GSTM3: variants seen among roughly 807,000 people sequenced by gnomAD.
GSTM3 encodes the protein GST class-mu 3.
Under a neutral mutation model 36.1 loss-of-function variants are expected in GSTM3, and 34 were observed. The ratio of observed to expected loss-of-function variants is 0.94; its 90% confidence interval spans 0.72 to 1.25. GSTM3 has a LOEUF of 1.25. Ranked by LOEUF, GSTM3 falls within the 50% of genes most tolerant of loss-of-function variation. The probability of loss-of-function intolerance (pLI) is 0.00; values close to 1 mark genes in which losing one functional copy is unlikely to be tolerated. For synonymous variants in GSTM3, 102 were observed against 99.5 expected, an observed-to-expected ratio of 1.03 and a Z score of -0.15; for missense variants, 266 against 281.6, an observed-to-expected ratio of 0.94 and a Z score of 0.40.
At chr1:109,739,979 C>T (rs1254539429) in intron 2 of GSTM3, 71 bp from the exon 3 acceptor site, 5 of 1,262,846 alleles carry the variant, frequency 4.0e-6, no homozygotes, top group African/African-American at 1.5e-5. Context: ...TAACGTTCCC[C>T]GGCCCGGGGC....
In GSTM3 at chr1:109,739,833, C is replaced by G. The variant is rs1434086124; in HGVS notation, c.124G>C (p.Ala42Pro). ...GCACGGGCACGCGGAGCGGCATTAC[C>G]TTCCCCGCACGTGTACCGTTTCTCC... The part of the protein sequence containing the change: ...YEEKRYTCGE[A>P]PDYDRSQWLD... The change falls in exon 3 of 9, where the codon GCT becomes CCT. Residue 42 changes from alanine (A) to proline (P), a missense_variant and splice_region_variant. Coordinates refer to ENST00000361066, the MANE Select transcript of GSTM3 (RefSeq NM_000849.5). 2 of 1,549,214 alleles carry G rather than the reference C, an allele frequency of 1.3e-6. No individual in the cohort carries two copies. Among genetic ancestry groups the G allele is most frequent in the Non-Finnish European group, 1.7e-6 (2 of 1,144,480 alleles).
chr1:109,738,058 T>G (rs41283504), intron 6 of GSTM3, 33 bp downstream of exon 6: 19,297 of 1,382,596 alleles, frequency 0.014, 154 homozygotes, highest in Non-Finnish European at 0.016. Flanking sequence ...TTTCTGATAC[T>G]CCATTCAGCA....
rs1445321620 is a variant in GSTM3 at position 109,738,081 on chromosome 1, G to T, written c.372+10C>A. 3.2e-6 allele frequency: 5 copies of T among 1,583,282 alleles called. No individual in the cohort carries two copies. The highest frequency in any genetic ancestry group is 1.7e-5 in the Admixed American group (1 of 59,994). On this transcript the variant is annotated intron_variant, in intron 6 of 8. Transcript: ENST00000361066. ...ACTCCATTCAGCAGATGTGTGCTAA[G>T]GAAACTCACGTGGTCAGAGCTGTAA...
Position 109,738,267 on chromosome 1 carries a change from C to T in GSTM3, c.271+18G>A. 1 of 1,607,960 alleles carries T rather than the reference C, an allele frequency of 6.2e-7. No homozygotes were observed. The highest frequency in any genetic ancestry group is 8.5e-7 in the Non-Finnish European group (1 of 1,174,318). ...AAACTACCAGCCTGGGGTCCCTCACCAGCCCTACCCCACTCACACATGTTG... is the reference window on the plus strand; with the variant it reads ...AAACTACCAGCCTGGGGTCCCTCACTAGCCCTACCCCACTCACACATGTTG... On this transcript the variant is annotated intron_variant, in intron 5 of 8. Coordinates refer to ENST00000361066, the MANE Select transcript of GSTM3 (RefSeq NM_000849.5).
Position 109,736,710 on chromosome 1 carries a change from T to TAC in GSTM3, c.*359_*360dup, listed in dbSNP as rs1488816777. On this transcript the variant is annotated 3_prime_UTR_variant, in exon 9 of 9. Coordinates refer to ENST00000361066, the MANE Select transcript of GSTM3 (RefSeq NM_000849.5). Reference sequence around the variant, plus strand: ...TCCGAACTCCGGTTAAGTCCATCAGTACCACAGTTTTACTTGTGTTATCCT... The same window carrying TAC: ...TCCGAACTCCGGTTAAGTCCATCAGTACACCACAGTTTTACTTGTGTTATCCT... 4.9e-6 allele frequency: 1 copy of TAC among 203,504 alleles called. No individual in the cohort carries two copies. The highest frequency in any genetic ancestry group is 2.3e-5 in the African/African-American group (1 of 42,558). 12.6% of individuals were successfully genotyped at this position (203,504 alleles called of 1,614,324 possible).
intron 3 of GSTM3, 59 bp downstream of exon 3, chr1:109,739,774 A>G (rs1321702041): frequency 1.8e-5 from 23 of 1,313,412 alleles, no homozygotes; most frequent in Non-Finnish European, 2.5e-5. Flanking sequence ...TCTGGGCGTA[A>G]GAAGACCAGG....
chr1:109,737,880 G>A, intron 6 of GSTM3, 129 bp from the exon 7 acceptor site: 1 of 711,610 alleles, frequency 1.4e-6, no homozygotes, highest in African/African-American at 1.8e-5. Flanking sequence ...GAGGATGGCA[G>A]GGTGGGGAAA....
At position 109,740,462 on chromosome 1, in the gene GSTM3, C is replaced by G; in HGVS notation, c.-175G>C. ...CGTGCGCAGGCGCGACTAATGCCGG[C>G]GTTGGGGTTCAGGGCCTGGCGACCC... On this transcript the variant is annotated 5_prime_UTR_variant, in exon 2 of 9. Transcript: ENST00000361066. 4.9e-6 allele frequency: 3 copies of G among 618,282 alleles called. No homozygotes were observed. Among genetic ancestry groups the G allele is most frequent in the Non-Finnish European group, 8.4e-6 (3 of 355,320 alleles). 38.3% of individuals were successfully genotyped at this position (618,282 alleles called of 1,614,324 possible).
rs774585403 is a variant in GSTM3 at position 109,737,662 on chromosome 1, C to A, written c.462G>T (p.Gly154=). The change falls in exon 7 of 9, where the codon GGG becomes GGT. Residue 154 remains glycine, a synonymous_variant. Coordinates refer to ENST00000361066, the MANE Select transcript of GSTM3 (RefSeq NM_000849.5). ...TCTTTTCCCTTCTTCCTACCTTTTC[C>A]CCGGCAAACCATGAGAATTTCCCCA... ...MFLGKFSWFA[G]EKLTFVDFLT... 5.0e-6 allele frequency: 8 copies of A among 1,605,716 alleles called. No homozygotes were observed. The African/African-American group carries it at 1.1e-4, about 22-fold the overall frequency.
chr1:109,735,593 C>A lies in GSTM3; in HGVS notation c.*1478G>T, dbSNP rs1304249488. The A allele has an allele frequency of 3.4e-5, 5 of 145,948 alleles. No homozygotes were observed. The highest frequency in any genetic ancestry group is 1.3e-4 in the African/African-American group (5 of 39,298). The allele number at this position is 145,948 out of a possible 1,614,324, so 9.0% of individuals were successfully genotyped here. On this transcript the variant is annotated 3_prime_UTR_variant, in exon 9 of 9. Transcript: ENST00000361066. Reference sequence around the variant, plus strand: ...GTTTCCACTTATTTGTCATTACAGACAATGCCACAGTGAACATCTTAGTAT... The same window carrying A: ...GTTTCCACTTATTTGTCATTACAGAAAATGCCACAGTGAACATCTTAGTAT...
chr1:109,739,146 AAAAAG>A (rs1464499645), intron 4 of GSTM3, among the ~76,000 whole-genome samples: 3 of 152,202 alleles, frequency 2.0e-5, no homozygotes, highest in African/African-American at 7.2e-5. Context: ...GAAACACACA[AAAAAG>A]AAAATACCTG....
Position 109,740,310 on chromosome 1 carries a change from G to A in GSTM3, c.-23C>T, listed in dbSNP as rs1298074680. On this transcript the variant is annotated 5_prime_UTR_variant, in exon 2 of 9. Coordinates refer to ENST00000361066, the MANE Select transcript of GSTM3 (RefSeq NM_000849.5). Reference sequence around the variant, plus strand: ...CATGGTGACGGGCTTCCGAGCCTTCGAGGACTAGGGAAACTGTGAGCGGGA... The same window carrying A: ...CATGGTGACGGGCTTCCGAGCCTTCAAGGACTAGGGAAACTGTGAGCGGGA... The A allele has an allele frequency of 6.2e-7, 1 of 1,609,436 alleles. No homozygotes were observed. Among genetic ancestry groups the A allele is most frequent in the East Asian group, 2.2e-5 (1 of 44,846 alleles).
intron 6 of GSTM3, 67 bp from the exon 7 acceptor site, chr1:109,737,818 TGATG>T: frequency 1.1e-6 from 1 of 949,136 alleles, no homozygotes; most frequent in Non-Finnish European, 1.6e-6. Context: ...CACAGGCCAG[TGATG>T]GACACTTAGT....
rs898410813 is a variant in GSTM3, at chr1:109,734,242, G to A, written c.*2829C>T. 6.6e-6 allele frequency: 1 copy of A among 152,210 alleles called. No homozygotes were observed. The highest frequency in any genetic ancestry group is 1.5e-5 in the Non-Finnish European group (1 of 68,040). 9.4% of individuals were successfully genotyped at this position (152,210 alleles called of 1,614,324 possible). A position where few individuals can be genotyped will look rare whatever the true frequency, so the allele number is the denominator to read the frequency against. On this transcript the variant is annotated 3_prime_UTR_variant, in exon 9 of 9. Transcript: ENST00000361066. ...GTCATGTTTAATGACATTATAATGA[G>A]CTGGGTTAAATTAGGGACATTTAGG...
At position 109,738,161 on chromosome 1, in the gene GSTM3, A is replaced by G. The variant is rs1649261609; in HGVS notation, c.302T>C (p.Val101Ala). 4.3e-6 allele frequency: 7 copies of G among 1,613,776 alleles called. No individual in the cohort carries two copies. The highest frequency in any genetic ancestry group is 5.9e-6 in the Non-Finnish European group (7 of 1,179,684). Residue 101 changes from valine to alanine, a missense_variant, in exon 6 of 9, where the codon GTG becomes GCG. By Grantham distance (64) the Val-to-Ala change is moderately conservative. Transcript: ENST00000361066. ...CATTACTTGGTTCTCTATGATGTCC[A>G]CTCGAATCTTTTCTTCTTCAGTCTC... ...CGETEEEKIR[V>A]DIIENQVMDF... is the part of the protein sequence containing the mutation.
Position 109,739,527 on chromosome 1 carries a change from C to G in GSTM3, c.125-34G>C, listed in dbSNP as rs553483585. 4.1e-6 allele frequency: 6 copies of G among 1,454,694 alleles called. No homozygotes were observed. In the South Asian group the frequency reaches 6.9e-5, roughly 17 times the overall value. 90.1% of individuals were successfully genotyped at this position (1,454,694 alleles called of 1,614,324 possible). A position where few individuals can be genotyped will look rare whatever the true frequency, so the allele number is the denominator to read the frequency against. ...GACGGAATTAAGTGGGACCCAACCT[C>G]CTTAATACCCCACCTGACAAGAGCA... On this transcript the variant is annotated intron_variant, in intron 3 of 8. Coordinates refer to ENST00000361066, the MANE Select transcript of GSTM3 (RefSeq NM_000849.5).
intron 4 of GSTM3, among the ~76,000 whole-genome samples, chr1:109,738,588 T>TGGG (rs1418308365): frequency 2.0e-5 from 3 of 152,196 alleles, no homozygotes; most frequent in African/African-American, 7.2e-5. Flanking sequence ...GTGCATGCCA[T>TGGG]GGACCTTTTC....
chr1:109,740,880 A>G, intron 1 of GSTM3, 73 bp downstream of exon 1: 1 of 157,370 alleles, frequency 6.4e-6, no homozygotes, highest in Non-Finnish European at 1.4e-5. Flanking sequence ...AGCCCAACCC[A>G]ACAATACTTG....
Position 109,737,759 on chromosome 1 carries a change from GA to G in GSTM3, c.373-9del, listed in dbSNP as rs1389843278. The G allele has an allele frequency of 6.7e-7, 1 of 1,492,560 alleles. No homozygotes were observed. The highest frequency in any genetic ancestry group is 9.2e-7 in the Non-Finnish European group (1 of 1,081,614). The allele number at this position is 1,492,560 out of a possible 1,614,324, so 92.5% of individuals were successfully genotyped here. ...CTGAGGCTTCAGTTTTTCCTGAGAG[GA>G]AAAAACAGAATGAGAATAGTGGTGA... On this transcript the variant is annotated splice_polypyrimidine_tract_variant and intron_variant, in intron 6 of 8. Transcript: ENST00000361066.
Sources: gnomAD v4.1 joint callset for allele counts (sites outside exome capture counted in the v4.1 genomes callset) on GRCh38, gnomAD v4.1.1 for gene constraint, MANE v1.5 for transcripts, NCBI Gene and HGNC (gene_info 2026-07-23, HGNC 2026-07-21) for gene names.